The following ROBO2 variants were observed in gnomAD, a reference collection of about 807,000 sequenced individuals.
The protein encoded by ROBO2 is roundabout homolog 2.
In ROBO2, 53 loss-of-function variants were observed where a neutral mutation model predicts 160.8. The observed-to-expected ratio is 0.33, with a 90% CI of 0.26 to 0.41. The LOEUF is 0.41. Among genes scored for constraint, ROBO2 ranks in the 10% least tolerant of loss-of-function variants. The probability of loss-of-function intolerance (pLI) is 1.00; values close to 1 mark genes in which losing one functional copy is unlikely to be tolerated. For missense variants in ROBO2, 1,577 were observed against 1,722.4 expected (o/e 0.92, Z 1.49); for synonymous variants, 664 against 611.7 (o/e 1.09, Z -1.26).
chr3:77,111,730 A>C (rs1180906162), intron 2 of ROBO2, among the ~76,000 whole-genome samples: 1 of 152,180 alleles, frequency 6.6e-6, no homozygotes, highest in Non-Finnish European at 1.5e-5. Context: ...GGAGTTTGGC[A>C]AGAATGCCCA....
chr3:76,323,023 C>T (rs2072694545), intron 2 of ROBO2, among the ~76,000 whole-genome samples: 1 of 152,132 alleles, frequency 6.6e-6, no homozygotes, highest in South Asian at 2.1e-4. Flanking sequence ...AGTGCTATTT[C>T]ATGTGGAACA....
intron 2 of ROBO2, among the ~76,000 whole-genome samples, chr3:76,941,495 C>A (rs1458675705): frequency 1.3e-5 from 2 of 152,178 alleles, no homozygotes; most frequent in African/African-American, 4.8e-5. Flanking sequence ...TTTCTCCCTA[C>A]CTCTCAAGGC....
At position 77,184,323 on chromosome 3, in the gene ROBO2, G is replaced by T. The variant is rs72891570; in HGVS notation, c.388+85983G>T. On this transcript the variant is annotated intron_variant, in intron 2 of 25. Coordinates refer to ENST00000461745, the Ensembl canonical transcript of ROBO2. ...TCATTTACCAAAAAATTTTGAAGCA[G>T]CTATGCGTGAAGCACTGTGGGAGAT... Among the ~76,000 whole-genome samples the T allele has an allele frequency of 8.3e-3, 1,261 of 152,136 alleles. 21 individuals are homozygous for T. The highest frequency in any genetic ancestry group is 0.028 in the African/African-American group (1,160 of 41,524).
At chr3:76,189,046 A>C (rs936867301) in intron 2 of ROBO2, among the ~76,000 whole-genome samples, 3 of 152,102 alleles carry the variant, frequency 2.0e-5, no homozygotes, top group Admixed American at 6.6e-5. Flanking sequence ...ATATGGTAGA[A>C]AACACATCAT....
chr3:77,269,974 A>G (rs866083968), intron 2 of ROBO2, among the ~76,000 whole-genome samples: 78 of 152,318 alleles, frequency 5.1e-4, no homozygotes, highest in Admixed American at 5.9e-4. Context: ...GCAAATGACC[A>G]TGAAGTATTT....
At position 77,627,173 on chromosome 3, in the gene ROBO2, G is replaced by A. The variant is rs142762709; in HGVS notation, c.3760+4741G>A. 2.1e-3 allele frequency among the ~76,000 whole-genome samples: 320 copies of A among 152,220 alleles called. 1 individual carries two copies. The highest frequency in any genetic ancestry group is 7.4e-3 in the African/African-American group (306 of 41,546). On this transcript the variant is annotated intron_variant, in intron 23 of 25. Transcript: ENST00000461745. Reference sequence around the variant, plus strand: ...AAAAAGGGGAAGTGGGATATTACACGTGTAATTTTTATCTGAGTGAAACAA... The same window carrying A: ...AAAAAGGGGAAGTGGGATATTACACATGTAATTTTTATCTGAGTGAAACAA...
intron 2 of ROBO2, among the ~76,000 whole-genome samples, chr3:77,109,096 GA>G (rs928083068): frequency 1.0e-3 from 154 of 151,502 alleles, no homozygotes; most frequent in African/African-American, 3.3e-3. Flanking sequence ...ATAAAATGTT[GA>G]AAAAAAAGGT....
At chr3:76,305,267 T>TCCAGCAGA (rs2071278655) in intron 2 of ROBO2, among the ~76,000 whole-genome samples, 3 of 151,694 alleles carry the variant, frequency 2.0e-5, no homozygotes, top group Non-Finnish European at 4.4e-5. Context: ...TGTGAGTTCC[T>TCCAGCAGA]GTAGTCCCAG....
chr3:76,386,881 T>C (rs1458844838), intron 2 of ROBO2, among the ~76,000 whole-genome samples: 2 of 152,142 alleles, frequency 1.3e-5, no homozygotes, highest in Non-Finnish European at 2.9e-5. Flanking sequence ...ATAGGGTAGC[T>C]GTGGAGGTTA....
At chr3:77,291,938 C>G (rs1452390597) in intron 2 of ROBO2, among the ~76,000 whole-genome samples, 2 of 130,034 alleles carry the variant, frequency 1.5e-5, no homozygotes, top group African/African-American at 6.2e-5. Context: ...AAATTGACGG[C>G]TAAAAGTGTA....
At chr3:76,944,850 C>T (rs528779657) in intron 2 of ROBO2, among the ~76,000 whole-genome samples, 15 of 151,670 alleles carry the variant, frequency 9.9e-5, no homozygotes, top group Non-Finnish European at 8.8e-5. Context: ...TTCCTGCCAG[C>T]AGGTCCTGTG....
At chr3:76,937,232 T>C (rs2077765429) in intron 2 of ROBO2, among the ~76,000 whole-genome samples, 1 of 152,194 alleles carries the variant, frequency 6.6e-6, no homozygotes, top group South Asian at 2.1e-4. Context: ...TATATAATTA[T>C]AAATATCTGA....
intron 2 of ROBO2, among the ~76,000 whole-genome samples, chr3:76,017,983 A>G (rs1188173493): frequency 6.6e-6 from 1 of 152,100 alleles, no homozygotes; most frequent in African/African-American, 2.4e-5. Flanking sequence ...TAATTTGCCA[A>G]CATTTAGGGA....
chr3:75,963,001 A>G (rs993235669), intron 2 of ROBO2, among the ~76,000 whole-genome samples: 11 of 151,776 alleles, frequency 7.2e-5, no homozygotes, highest in Non-Finnish European at 1.6e-4. Flanking sequence ...GAGTGACATT[A>G]GAAATTCTCA....
Position 76,555,400 on chromosome 3 carries a change from AAG to A in ROBO2, c.110-542612_110-542611del, listed in dbSNP as rs1560141163. Among the ~76,000 whole-genome samples the A allele has an allele frequency of 1.7e-3, 119 of 71,662 alleles. 1 individual carries two copies. The highest frequency in any genetic ancestry group is 3.5e-3 in the African/African-American group (118 of 33,906). The allele number at this position is 71,662 out of a possible 152,430, so 47.0% of individuals were successfully genotyped here. On this transcript the variant is annotated intron_variant, in intron 2 of 26. Coordinates refer to the ROBO2 transcript ENST00000487694. Reference sequence around the variant, plus strand: ...GAAGAAGAAGAAGAAGAAGAAGAAGAAGAAGAAGAAGAAGAAGAAAGAAGGAG... The same window carrying A: ...GAAGAAGAAGAAGAAGAAGAAGAAGAAAGAAGAAGAAGAAGAAAGAAGGAG...
intron 2 of ROBO2, among the ~76,000 whole-genome samples, chr3:76,045,368 C>T (rs1428056169): frequency 6.6e-6 from 1 of 151,944 alleles, no homozygotes; most frequent in African/African-American, 2.4e-5. Flanking sequence ...TGGACATGAG[C>T]TGGGAGCACA....
chr3:76,362,287 C>G (rs1316179933), intron 2 of ROBO2, among the ~76,000 whole-genome samples: 2 of 151,932 alleles, frequency 1.3e-5, no homozygotes. Context: ...TCACTTGGGT[C>G]TGGGATGTTG....
At chr3:77,466,095 A>G (rs1402166623) in intron 2 of ROBO2, among the ~76,000 whole-genome samples, 2 of 152,150 alleles carry the variant, frequency 1.3e-5, no homozygotes, top group African/African-American at 4.8e-5. Context: ...TGGGATTGGG[A>G]TAGAGTAGAA....
intron 2 of ROBO2, among the ~76,000 whole-genome samples, chr3:76,412,975 T>C (rs1422259412): frequency 6.6e-6 from 1 of 152,134 alleles, no homozygotes; most frequent in Non-Finnish European, 1.5e-5. Flanking sequence ...GGTGTTGCCA[T>C]ACATCTGAAA....
Sources: allele counts gnomAD v4.1 joint callset (sites outside exome capture counted in the v4.1 genomes callset), GRCh38; gene constraint gnomAD v4.1.1; transcripts MANE v1.5; gene names NCBI Gene and HGNC (gene_info 2026-07-23, HGNC 2026-07-21).